Variants in MAGI2 observed in about 807,000 individuals in gnomAD.
MAGI2 encodes the protein membrane-associated guanylate kinase, WW and PDZ domain-containing protein 2.
A neutral mutation model predicts 133.3 loss-of-function variants in MAGI2; 35 were observed. The ratio of observed to expected loss-of-function variants is 0.26; its 90% confidence interval spans 0.20 to 0.35. MAGI2 has a LOEUF of 0.35. MAGI2 is among the 10% of genes least tolerant of loss of function. The pLI, the probability that MAGI2 is intolerant of heterozygous loss-of-function variation, is 1.00. For synonymous variants in MAGI2, 729 were observed against 710.6 expected (o/e 1.03, Z -0.41); for missense variants, 1,636 against 1,863.4 (o/e 0.88, Z 2.25).
chr7:78,574,432 T>C (rs1276656458), intron 3 of MAGI2, among the ~76,000 whole-genome samples: 2 of 152,264 alleles, frequency 1.3e-5, no homozygotes, highest in Non-Finnish European at 2.9e-5. Context: ...CCATGTATAC[T>C]GTCATTTTAG....
chr7:78,788,600 G>C (rs1244268972), intron 2 of MAGI2, among the ~76,000 whole-genome samples: 1 of 150,462 alleles, frequency 6.6e-6, no homozygotes, highest in African/African-American at 2.4e-5. Context: ...AAAAAGCACT[G>C]AGTATAATTT....
intron 2 of MAGI2, among the ~76,000 whole-genome samples, chr7:78,719,209 C>T (rs1416615059): frequency 6.6e-6 from 1 of 152,094 alleles, no homozygotes; most frequent in Non-Finnish European, 1.5e-5. Context: ...TGTTTGAACT[C>T]AAGGATCTGA....
chr7:78,703,930 G>A (rs573452646), intron 2 of MAGI2, among the ~76,000 whole-genome samples: 1 of 150,222 alleles, frequency 6.7e-6, no homozygotes, highest in African/African-American at 2.5e-5. Flanking sequence ...CAACTCGTTA[G>A]ATTAAAGGCT....
chr7:78,052,426 C>T (rs1292048261), intron 21 of MAGI2, among the ~76,000 whole-genome samples: 1 of 152,296 alleles, frequency 6.6e-6, no homozygotes, highest in African/African-American at 2.4e-5. Flanking sequence ...GAGTGGAAGC[C>T]GCCTGAAGCC....
At chr7:78,626,825 AATGT>A (rs941166608) in intron 3 of MAGI2, among the ~76,000 whole-genome samples, 19 of 59,962 alleles carry the variant, frequency 3.2e-4, no homozygotes, top group Admixed American at 8.9e-4. Flanking sequence ...AGAATACTTC[AATGT>A]GTGTGTGTGT....
At chr7:79,238,605 A>G (rs1282092253) in intron 1 of MAGI2, among the ~76,000 whole-genome samples, 5 of 152,188 alleles carry the variant, frequency 3.3e-5, no homozygotes, top group Non-Finnish European at 7.4e-5. Flanking sequence ...GTTTACTGGT[A>G]GTTTTAAGGA....
chr7:79,106,817 A>G (rs964899829), intron 1 of MAGI2, among the ~76,000 whole-genome samples: 1 of 152,194 alleles, frequency 6.6e-6, no homozygotes, highest in African/African-American at 2.4e-5. Context: ...TTTTGGTTTC[A>G]TGTAATCTCT....
intron 3 of MAGI2, among the ~76,000 whole-genome samples, chr7:78,522,761 T>C (rs1270127401): frequency 3.3e-5 from 5 of 152,216 alleles, no homozygotes; most frequent in Non-Finnish European, 7.3e-5. Flanking sequence ...GTAGGTCATA[T>C]TTTTTTGAAA....
At position 78,913,701 on chromosome 7, in the gene MAGI2, G is replaced by A. The variant is rs188394891; in HGVS notation, c.418+93389C>T. Among the ~76,000 whole-genome samples, 3 of 152,218 alleles carry A rather than the reference G, an allele frequency of 2.0e-5. No individual in the cohort carries two copies. The East Asian group carries it at 5.8e-4, about 29-fold the overall frequency. On this transcript the variant is annotated intron_variant, in intron 2 of 21. Transcript: ENST00000354212. ...GTCAACTAATTTGACTTGCTGTTAT[G>A]TTCCATGGTGCATAACAAGTTAGCA...
chr7:78,548,590 G>A (rs1799069928), intron 3 of MAGI2, among the ~76,000 whole-genome samples: 1 of 152,194 alleles, frequency 6.6e-6, no homozygotes, highest in Admixed American at 6.5e-5. Context: ...AGCTACTTGG[G>A]AGGCTGAGGC....
Position 79,124,440 on chromosome 7 carries a change from G to T in MAGI2, c.302-117234C>A, listed in dbSNP as rs573182587. 1.2e-4 allele frequency among the ~76,000 whole-genome samples: 18 copies of T among 152,226 alleles called. No homozygotes were observed. The South Asian group carries it at 3.7e-3, about 32-fold the overall frequency. On this transcript the variant is annotated intron_variant, in intron 1 of 21. Coordinates refer to ENST00000354212, the MANE Select transcript of MAGI2 (RefSeq NM_012301.4). ...AAGGATTTGAAAAGGTAGTTATTTT[G>T]TCTAAAGTCACAGAGCCAGAAGAGG...
chr7:78,624,417 C>T (rs1183738857), intron 3 of MAGI2, among the ~76,000 whole-genome samples: 3 of 151,970 alleles, frequency 2.0e-5, no homozygotes, highest in African/African-American at 7.3e-5. Flanking sequence ...TAATGAAAGA[C>T]TGGATAAAGA....
chr7:78,657,351 T>C (rs1435810278), intron 2 of MAGI2, among the ~76,000 whole-genome samples: 2 of 152,158 alleles, frequency 1.3e-5, no homozygotes, highest in Non-Finnish European at 2.9e-5. Flanking sequence ...TGAAAACATG[T>C]CCACACAAAA....
At position 79,262,616 on chromosome 7, in the gene MAGI2, AAAG is replaced by A. The variant is rs1834164929; in HGVS notation, c.301+190401_301+190403del. Among the ~76,000 whole-genome samples the A allele has an allele frequency of 2.0e-5, 3 of 152,218 alleles. No homozygotes were observed. The South Asian group carries it at 6.2e-4, about 31-fold the overall frequency. On this transcript the variant is annotated intron_variant, in intron 1 of 21. Coordinates refer to ENST00000354212, the MANE Select transcript of MAGI2 (RefSeq NM_012301.4). ...TTTCTGTCACTTTTTTGGCTGAAGC[AAAG>A]AATAGATGGAAAGTATCACCACATT... is the stretch of plus-strand genomic sequence containing the variant.
intron 18 of MAGI2, among the ~76,000 whole-genome samples, chr7:78,129,810 C>A (rs1821367425): frequency 6.6e-6 from 1 of 151,998 alleles, no homozygotes; most frequent in Non-Finnish European, 1.5e-5. Flanking sequence ...TGGCACATGC[C>A]TGTAATCCCA....
At chr7:78,928,469 T>G (rs949390373) in intron 2 of MAGI2, among the ~76,000 whole-genome samples, 1 of 151,914 alleles carries the variant, frequency 6.6e-6, no homozygotes, top group African/African-American at 2.4e-5. Flanking sequence ...TCCTTTTAAA[T>G]AGAACATTGG....
chr7:78,999,753 T>C, intron 2 of MAGI2, among the ~76,000 whole-genome samples: 1 of 152,228 alleles, frequency 6.6e-6, no homozygotes, highest in Admixed American at 6.5e-5. Flanking sequence ...CCAGTTTATA[T>C]GTCTCCCAAG....
chr7:79,438,287 C>G (rs561457124), intron 1 of MAGI2, among the ~76,000 whole-genome samples: 4 of 152,056 alleles, frequency 2.6e-5, no homozygotes, highest in African/African-American at 9.7e-5. Flanking sequence ...CCAACTGGAG[C>G]AAAATGAAAC....
chr7:78,945,510 A>T (rs117650598), intron 2 of MAGI2, among the ~76,000 whole-genome samples: 4,335 of 152,274 alleles, frequency 0.028, 102 homozygotes, highest in Middle Eastern at 0.044. Context: ...GGTAAGAACA[A>T]ATAACATCCA....
Sources: allele counts gnomAD v4.1 joint callset (sites outside exome capture counted in the v4.1 genomes callset), GRCh38; gene constraint gnomAD v4.1.1; transcripts MANE v1.5; gene names NCBI Gene and HGNC (gene_info 2026-07-23, HGNC 2026-07-21).